The following PXDNL variants were observed in gnomAD, a reference collection of about 807,000 sequenced individuals.
PXDNL encodes the protein peroxidasin like, also known as probable oxidoreductase PXDNL.
In PXDNL, 145 loss-of-function variants were observed where a neutral mutation model predicts 150.8. The observed-to-expected ratio is 0.96, with a 90% CI of 0.84 to 1.10. The LOEUF (loss-of-function observed/expected upper bound fraction) is 1.10, where lower values mean the gene tolerates loss of function less well. Ranked by LOEUF, PXDNL falls within the 50% of genes least tolerant of loss-of-function variation. The pLI is 0.00. For missense variants in PXDNL, 2,087 were observed against 1,873.9 expected (o/e 1.11, Z -2.10); for synonymous variants, 757 against 725.7 (o/e 1.04, Z -0.69).
At chr8:51,407,410 A>G (rs1290289289) in intron 17 of PXDNL, among the ~76,000 whole-genome samples, 1 of 152,224 alleles carries the variant, frequency 6.6e-6, no homozygotes, top group African/African-American at 2.4e-5. Context: ...TATTTAACCT[A>G]CTACAGACAA....
intron 8 of PXDNL, among the ~76,000 whole-genome samples, chr8:51,468,611 T>A (rs1446163303): frequency 6.6e-6 from 1 of 151,982 alleles, no homozygotes; most frequent in Non-Finnish European, 1.5e-5. Flanking sequence ...AGTTATTTTA[T>A]ATTTTCTCTT....
chr8:51,514,234 G>A (rs574238084), intron 4 of PXDNL, among the ~76,000 whole-genome samples: 5 of 152,330 alleles, frequency 3.3e-5, no homozygotes, highest in Admixed American at 2.6e-4. Flanking sequence ...GGATAATAGG[G>A]AAGGGAAAGA....
chr8:51,449,748 G>A (rs1370178712), intron 10 of PXDNL, among the ~76,000 whole-genome samples: 1 of 152,154 alleles, frequency 6.6e-6, no homozygotes, highest in Non-Finnish European at 1.5e-5. Context: ...ATAAATCAAT[G>A]TGGCCATTTA....
intron 1 of PXDNL, among the ~76,000 whole-genome samples, chr8:51,670,746 TGC>T (rs1815482483): frequency 6.6e-6 from 1 of 152,196 alleles, no homozygotes; most frequent in Non-Finnish European, 1.5e-5. Flanking sequence ...GTTAACCCAC[TGC>T]ATGACACTGG....
intron 2 of PXDNL, among the ~76,000 whole-genome samples, chr8:51,620,795 C>A (rs1814235862): frequency 6.6e-6 from 1 of 152,190 alleles, no homozygotes; most frequent in Admixed American, 6.5e-5. Context: ...ATCCACCTGC[C>A]TTGGCCTCCC....
At position 51,345,831 on chromosome 8, in the gene PXDNL, A is replaced by G; in HGVS notation, c.4016+2T>C. Reference sequence around the variant, plus strand: ...AAAGAAATGAGATATTTCTATACATACCTACTTCTTAGATGACTTAACTCC... The same window carrying G: ...AAAGAAATGAGATATTTCTATACATGCCTACTTCTTAGATGACTTAACTCC... On this transcript the variant is annotated splice_donor_variant, in intron 20 of 22. Coordinates refer to ENST00000356297, the MANE Select transcript of PXDNL (RefSeq NM_144651.5). LOFTEE classifies it high-confidence loss of function. The G allele has an allele frequency of 1.3e-6, 2 of 1,561,696 alleles. No individual in the cohort carries two copies. The highest frequency in any genetic ancestry group is 2.7e-5 in the African/African-American group (2 of 73,912).
At chr8:51,639,574 C>A (rs1814694142) in intron 2 of PXDNL, among the ~76,000 whole-genome samples, 2 of 152,162 alleles carry the variant, frequency 1.3e-5, no homozygotes, top group South Asian at 2.1e-4. Context: ...ACTACAAACA[C>A]CTCTATGCAA....
Position 51,446,992 on chromosome 8 carries a change from A to G in PXDNL, c.1525+12T>C. The stretch of plus-strand genomic sequence containing the variant: ...ACTTCAGAATGTGAATATGAATCAC[A>G]GTATATATTACCTTTGGGTTTTACA... On this transcript the variant is annotated intron_variant, in intron 12 of 22. Transcript: ENST00000356297. 6.2e-7 allele frequency: 1 copy of G among 1,613,544 alleles called. No individual in the cohort carries two copies. Among genetic ancestry groups the G allele is most frequent in the Non-Finnish European group, 8.5e-7 (1 of 1,179,578 alleles).
chr8:51,491,547 C>T (rs1054236889), intron 5 of PXDNL, among the ~76,000 whole-genome samples: 13 of 152,298 alleles, frequency 8.5e-5, no homozygotes, highest in Admixed American at 7.2e-4. Flanking sequence ...CTTCCAAGCC[C>T]GCTGATGGAT....
At chr8:51,565,544 C>G (rs1345780619) in intron 3 of PXDNL, among the ~76,000 whole-genome samples, 1 of 151,278 alleles carries the variant, frequency 6.6e-6, no homozygotes, top group Non-Finnish European at 1.5e-5. Flanking sequence ...CTATTAAGTA[C>G]TTATGTGTGA....
chr8:51,557,319 G>T (rs1470390974), intron 3 of PXDNL, among the ~76,000 whole-genome samples: 1 of 152,090 alleles, frequency 6.6e-6, no homozygotes, highest in Non-Finnish European at 1.5e-5. Flanking sequence ...ATCTTAAGGG[G>T]ATAAAAGCAT....
intron 21 of PXDNL, among the ~76,000 whole-genome samples, chr8:51,333,656 G>C (rs1359739924): frequency 6.6e-6 from 1 of 151,966 alleles, no homozygotes; most frequent in African/African-American, 2.4e-5. Context: ...GTGGAAAAAA[G>C]CATTTATGAA....
intron 17 of PXDNL, 65 bp from the exon 18 acceptor site, chr8:51,374,796 T>C (rs1807251371): frequency 1.3e-6 from 2 of 1,539,416 alleles, no homozygotes; most frequent in Admixed American, 1.9e-5. Context: ...ATATTCCTTA[T>C]GTGAATGACC....
intron 1 of PXDNL, among the ~76,000 whole-genome samples, chr8:51,670,934 G>A (rs1283954004): frequency 3.3e-5 from 5 of 152,174 alleles, no homozygotes; most frequent in Non-Finnish European, 5.9e-5. Context: ...TCATTGCCAT[G>A]CATAAAGAAG....
At chr8:51,607,084 T>C (rs1383587600) in intron 2 of PXDNL, among the ~76,000 whole-genome samples, 1 of 152,236 alleles carries the variant, frequency 6.6e-6, no homozygotes, top group Non-Finnish European at 1.5e-5. Flanking sequence ...TTAAATATAT[T>C]GTGGAATATA....
chr8:51,373,181 G>A (rs1194823981), intron 18 of PXDNL, among the ~76,000 whole-genome samples: 2 of 152,176 alleles, frequency 1.3e-5, no homozygotes, highest in Non-Finnish European at 2.9e-5. Flanking sequence ...AACCCAGTAT[G>A]TCTGGTGTCC....
intron 4 of PXDNL, among the ~76,000 whole-genome samples, chr8:51,527,792 C>T (rs901275279): frequency 3.9e-5 from 6 of 152,100 alleles, no homozygotes; most frequent in African/African-American, 1.2e-4. Context: ...AGTGGGAATC[C>T]ATGATGGAGA....
intron 1 of PXDNL, among the ~76,000 whole-genome samples, chr8:51,718,962 C>T (rs1233936996): frequency 4.0e-5 from 6 of 151,824 alleles, no homozygotes; most frequent in South Asian, 4.2e-4. Flanking sequence ...AGCCCCCACC[C>T]GGCCAGCCAC....
intron 2 of PXDNL, among the ~76,000 whole-genome samples, chr8:51,639,223 G>C (rs1814682736): frequency 6.6e-6 from 1 of 152,192 alleles, no homozygotes; most frequent in South Asian, 2.1e-4. Flanking sequence ...GAAATTTATA[G>C]CACTAAATGC....
Sources: gnomAD v4.1 joint callset for allele counts (sites outside exome capture counted in the v4.1 genomes callset) on GRCh38, gnomAD v4.1.1 for gene constraint, MANE v1.5 for transcripts, NCBI Gene and HGNC (gene_info 2026-07-23, HGNC 2026-07-21) for gene names.